ATG12: variants seen among roughly 807,000 people sequenced by gnomAD.
The protein encoded by ATG12 is autophagy related 12.
ATG12 carries 19 observed loss-of-function variants against 17.6 expected under a neutral mutation model. The ratio of observed to expected loss-of-function variants is 1.08; its 90% CI spans 0.75 to 1.58. ATG12 has a LOEUF of 1.58. Ranked by LOEUF, ATG12 falls within the 40% of genes most tolerant of loss-of-function variation. The pLI is 0.00. For missense variants in ATG12, 214 were observed against 162.0 expected (o/e 1.32, Z -1.74); for synonymous variants, 75 against 62.4 (o/e 1.20, Z -0.95).
intron 1 of ATG12, chr5:115,839,250 T>C (rs1761228562): frequency 6.6e-6 from 1 of 152,046 alleles, no homozygotes; most frequent in African/African-American, 2.4e-5. Context: ...AGGTATTAAA[T>C]ATTGGGGCCA....
intron 1 of ATG12, 166 bp from the exon 2 acceptor site, chr5:115,837,930 T>C: frequency 1.6e-6 from 1 of 612,514 alleles, no homozygotes; most frequent in Non-Finnish European, 2.5e-6. Flanking sequence ...TTTCCATCAT[T>C]TTTTTCTTGA....
At chr5:115,838,541 AATG>A (rs1353944768) in intron 1 of ATG12, 1 of 152,222 alleles carries the variant, frequency 6.6e-6, no homozygotes, top group African/African-American at 2.4e-5. Context: ...TATGCAACAA[AATG>A]ATATTTCTCA....
In ATG12 at chr5:115,831,176, A is replaced by G. The variant is rs1322557227; in HGVS notation, c.*628T>C. 2 of 152,250 alleles carry G rather than the reference A, an allele frequency of 1.3e-5. No homozygotes were observed. Among genetic ancestry groups the G allele is most frequent in the African/African-American group, 2.4e-5 (1 of 41,452 alleles). The allele number at this position is 152,250 out of a possible 1,614,324, so 9.4% of individuals were successfully genotyped here. A position where few individuals can be genotyped will look rare whatever the true frequency, so the allele number is the denominator to read the frequency against. ...TATTTTTCTGTATCCCAATAAAATAATTAAGCCATGTGTATTGTGTAAAAT... is the reference window on the plus strand; with the variant it reads ...TATTTTTCTGTATCCCAATAAAATAGTTAAGCCATGTGTATTGTGTAAAAT... On this transcript the variant is annotated 3_prime_UTR_variant, in exon 4 of 4. Transcript: ENST00000509910.
rs1760796102 is a variant in ATG12 at position 115,829,940 on chromosome 5, C to T, written c.*1864G>A. 1 of 151,974 alleles carries T rather than the reference C, an allele frequency of 6.6e-6. No homozygotes were observed. Among genetic ancestry groups the T allele is most frequent in the Non-Finnish European group, 1.5e-5 (1 of 68,070 alleles). 9.4% of individuals were successfully genotyped at this position (151,974 alleles called of 1,614,324 possible). On this transcript the variant is annotated 3_prime_UTR_variant, in exon 4 of 4. Transcript: ENST00000509910. ...GACCAGCCTGGCCAAAATGGTAAAA[C>T]CCTGTCTCCACTAAAAATAACAAAA...
In ATG12 at chr5:115,828,830, G is replaced by A. The variant is rs551055975; in HGVS notation, c.*2974C>T. On this transcript the variant is annotated 3_prime_UTR_variant, in exon 4 of 4. Coordinates refer to ENST00000509910, the MANE Select transcript of ATG12 (RefSeq NM_004707.4). ...GAATAACTGGACACATGGCTCTGAG[G>A]CAGTATGCAATAAGTGATTTAATAG... 6.6e-6 allele frequency: 1 copy of A among 152,322 alleles called. No homozygotes were observed. The highest frequency in any genetic ancestry group is 2.1e-4 in the South Asian group (1 of 4,824). 9.4% of individuals were successfully genotyped at this position (152,322 alleles called of 1,614,324 possible).
At chr5:115,832,238 C>G (rs1052483080) in intron 3 of ATG12, among the ~76,000 whole-genome samples, 63 of 152,020 alleles carry the variant, frequency 4.1e-4, no homozygotes, top group Admixed American at 3.3e-4. Context: ...GCTGTTTTCT[C>G]AATTTCTTGT....
At chr5:115,835,967 G>C (rs1580568844) in intron 2 of ATG12, among the ~76,000 whole-genome samples, 1 of 152,046 alleles carries the variant, frequency 6.6e-6, no homozygotes, top group South Asian at 2.1e-4. Context: ...GAGAATTTCA[G>C]AGAGATTCAC....
rs1760863688 is a variant in ATG12, at chr5:115,831,402, A to G, written c.*402T>C. ...GGTCAATGTGACTAAAAAGGTAAAC[A>G]TAGAGATAAATGTAAACATTAAAAA... On this transcript the variant is annotated 3_prime_UTR_variant, in exon 4 of 4. Coordinates refer to ENST00000509910, the MANE Select transcript of ATG12 (RefSeq NM_004707.4). The G allele has an allele frequency of 5.2e-6, 1 of 193,430 alleles. No individual in the cohort carries two copies. Among genetic ancestry groups the G allele is most frequent in the Non-Finnish European group, 1.1e-5 (1 of 95,014 alleles). 12.0% of individuals were successfully genotyped at this position (193,430 alleles called of 1,614,324 possible).
At chr5:115,832,174 G>A (rs536007549) in intron 3 of ATG12, among the ~76,000 whole-genome samples, 28 of 151,276 alleles carry the variant, frequency 1.9e-4, no homozygotes, top group African/African-American at 6.6e-4. Context: ...GCTAGTATGT[G>A]TACTCTAATA....
Position 115,841,561 on chromosome 5 carries a change from G to T in ATG12, c.-9C>A, listed in dbSNP as rs756169451. 20 of 1,613,974 alleles carry T rather than the reference G, an allele frequency of 1.2e-5. No individual in the cohort carries two copies. The highest frequency in any genetic ancestry group is 1.6e-5 in the Non-Finnish European group (19 of 1,180,006). ...TGCGGCTCCTCCGCCATCTTGCTTG[G>T]AGACACTCGAGAGCGGAAGTAGCGA... On this transcript the variant is annotated 5_prime_UTR_variant, in exon 1 of 4. Transcript: ENST00000509910.
In ATG12 at chr5:115,841,441, CGGAAGACG is replaced by C; in HGVS notation, c.104_111del (p.Pro35ArgfsTer19). ...TCCTCTGTTCCCGGGGAAACTGCAG[CGGAAGACG>C]GGGGCTCCGGGGTGGTTGTTTCTGG... is the stretch of plus-strand genomic sequence containing the variant. On this transcript the variant is annotated frameshift_variant, in exon 1 of 4. Coordinates refer to ENST00000509910, the MANE Select transcript of ATG12 (RefSeq NM_004707.4). LOFTEE classifies it high-confidence loss of function. 6.2e-7 allele frequency: 1 copy of C among 1,610,004 alleles called. No individual in the cohort carries two copies. Among genetic ancestry groups the C allele is most frequent in the Non-Finnish European group, 8.5e-7 (1 of 1,179,044 alleles).
rs1001483941 is a variant in ATG12 at position 115,831,481 on chromosome 5, T to C, written c.*323A>G. On this transcript the variant is annotated 3_prime_UTR_variant, in exon 4 of 4. Transcript: ENST00000509910. ...TACCATGAAAACAATTTCAGTCATTTTGAGAACTGACAATGAAGATGTTTA... is the reference window on the plus strand; with the variant it reads ...TACCATGAAAACAATTTCAGTCATTCTGAGAACTGACAATGAAGATGTTTA... 4.9e-5 allele frequency: 17 copies of C among 347,898 alleles called. No homozygotes were observed. The highest frequency in any genetic ancestry group is 3.7e-4 in the African/African-American group (17 of 46,158). 21.6% of individuals were successfully genotyped at this position (347,898 alleles called of 1,614,324 possible). A position where few individuals can be genotyped will look rare whatever the true frequency, so the allele number is the denominator to read the frequency against.
intron 1 of ATG12, chr5:115,840,975 G>C (rs770735509): frequency 2.0e-6 from 2 of 979,976 alleles, no homozygotes; most frequent in South Asian, 2.7e-5. Flanking sequence ...AAGTTGGAAG[G>C]CATGAATTCT....
rs1389742844 is a variant in ATG12, at chr5:115,829,473, T to A, written c.*2331A>T. The stretch of plus-strand genomic sequence containing the variant: ...TGCCTTATTCCTTAAATATGGTGAA[T>A]TCATTATGAAGTCTTTGGCATACTT... On this transcript the variant is annotated 3_prime_UTR_variant, in exon 4 of 4. Transcript: ENST00000509910. The A allele has an allele frequency of 3.3e-5, 5 of 152,350 alleles. No individual in the cohort carries two copies. The East Asian group carries it at 7.7e-4, about 23-fold the overall frequency. 9.4% of individuals were successfully genotyped at this position (152,350 alleles called of 1,614,324 possible).
intron 2 of ATG12, 65 bp from the exon 3 acceptor site, chr5:115,832,729 A>G: frequency 7.2e-7 from 1 of 1,383,240 alleles, no homozygotes. Flanking sequence ...ATTTTTCTGC[A>G]TTCCAATCAG....
chr5:115,831,725 A>C lies in ATG12; in HGVS notation c.*79T>G. 1.5e-6 allele frequency: 2 copies of C among 1,357,628 alleles called. No homozygotes were observed. Among genetic ancestry groups the C allele is most frequent in the Non-Finnish European group, 2.1e-6 (2 of 962,540 alleles). The allele number at this position is 1,357,628 out of a possible 1,614,324, so 84.1% of individuals were successfully genotyped here. ...GATCACATCTGTTAAGTCTCTTGCC[A>C]CAAGCATCAAAACTTTTCAGAGCTG... On this transcript the variant is annotated 3_prime_UTR_variant, in exon 4 of 4. Coordinates refer to ENST00000509910, the MANE Select transcript of ATG12 (RefSeq NM_004707.4).
In ATG12 at chr5:115,829,865, C is replaced by A. The variant is rs1760792125; in HGVS notation, c.*1939G>T. 1 of 152,150 alleles carries A rather than the reference C, an allele frequency of 6.6e-6. No homozygotes were observed. Among genetic ancestry groups the A allele is most frequent in the Admixed American group, 6.5e-5 (1 of 15,284 alleles). 9.4% of individuals were successfully genotyped at this position (152,150 alleles called of 1,614,324 possible). A position where few individuals can be genotyped will look rare whatever the true frequency, so the allele number is the denominator to read the frequency against. ...GTGGCTCACACCTATAATCCCAGCA[C>A]TTTGGGAGGCCAAGGCGGGTGGATC... On this transcript the variant is annotated 3_prime_UTR_variant, in exon 4 of 4. Coordinates refer to ENST00000509910, the MANE Select transcript of ATG12 (RefSeq NM_004707.4).
At chr5:115,837,923 C>G in intron 1 of ATG12, 159 bp from the exon 2 acceptor site, 1 of 639,808 alleles carries the variant, frequency 1.6e-6, no homozygotes, top group East Asian at 3.4e-5. Context: ...AGATTCTTTT[C>G]CATCATTTTT....
At chr5:115,841,158 A>G (rs1761436866) in intron 1 of ATG12, 4 of 513,882 alleles carry the variant, frequency 7.8e-6, no homozygotes, top group East Asian at 9.2e-5. Context: ...CAGTATAAAA[A>G]TAAGTGTGGC....
Sources: allele counts gnomAD v4.1 joint callset (sites outside exome capture counted in the v4.1 genomes callset), GRCh38; gene constraint gnomAD v4.1.1; transcripts MANE v1.5; gene names NCBI Gene and HGNC (gene_info 2026-07-23, HGNC 2026-07-21).